The following MACROD2 variants were observed in gnomAD, a reference collection of about 807,000 sequenced individuals.
MACROD2 encodes ADP-ribose glycohydrolase MACROD2.
In MACROD2, 36 loss-of-function variants were observed where a neutral mutation model predicts 70.4. That is an observed-to-expected ratio of 0.51 (90% CI 0.39 to 0.68). The LOEUF is 0.68. Among genes scored for constraint, MACROD2 ranks in the 30% least tolerant of loss-of-function variants. MACROD2 has a pLI of 0.00. For synonymous variants in MACROD2, 172 were observed against 178.8 expected, an observed-to-expected ratio of 0.96 and a Z score of 0.30; for missense variants, 496 against 538.4, an observed-to-expected ratio of 0.92 and a Z score of 0.78.
chr20:15,241,004 T>C (rs67738339), intron 6 of MACROD2, among the ~76,000 whole-genome samples: 25,839 of 152,202 alleles, frequency 0.17, 2,647 homozygotes, highest in Non-Finnish European at 0.24. Context: ...GTATTTTGTA[T>C]GGCATCCAGA....
intron 6 of MACROD2, among the ~76,000 whole-genome samples, chr20:15,269,079 T>C (rs925928179): frequency 6.6e-6 from 1 of 152,258 alleles, no homozygotes; most frequent in Non-Finnish European, 1.5e-5. Context: ...TGACTGAACA[T>C]GTGGTTCAGA....
chr20:15,548,406 G>GT (rs1481658096), intron 8 of MACROD2, among the ~76,000 whole-genome samples: 1 of 151,768 alleles, frequency 6.6e-6, no homozygotes, highest in African/African-American at 2.4e-5. Flanking sequence ...GTTTTGTTTT[G>GT]TTTTTTGAGA....
rs1336616514 is a variant in MACROD2 at position 15,585,424 on chromosome 20, C to G, written c.645+85577C>G. Reference sequence around the variant, plus strand: ...TGCTGCCCAGGCTGGTCTCGAGCTCCTGACCTCGTGATCCACCCACCTCGG... The same window carrying G: ...TGCTGCCCAGGCTGGTCTCGAGCTCGTGACCTCGTGATCCACCCACCTCGG... On this transcript the variant is annotated intron_variant, in intron 8 of 17. Transcript: ENST00000684519. 3.9e-5 allele frequency among the ~76,000 whole-genome samples: 6 copies of G among 152,086 alleles called. 1 individual carries two copies. Among genetic ancestry groups the G allele is most frequent in the Admixed American group, 1.3e-4 (2 of 15,274 alleles).
intron 4 of MACROD2, among the ~76,000 whole-genome samples, chr20:14,588,956 GATTAA>G (rs1394170853): frequency 1.3e-5 from 2 of 151,986 alleles, no homozygotes; most frequent in Admixed American, 6.6e-5. Context: ...ATTTTTGAAT[GATTAA>G]ATTATTTTAG....
At chr20:14,332,238 T>C (rs944623565) in intron 3 of MACROD2, among the ~76,000 whole-genome samples, 5 of 152,128 alleles carry the variant, frequency 3.3e-5, no homozygotes, top group African/African-American at 1.2e-4. Context: ...TCATCAAGTC[T>C]GAAAGCTTCC....
intron 6 of MACROD2, among the ~76,000 whole-genome samples, chr20:15,239,574 T>C (rs773913144): frequency 2.6e-5 from 4 of 152,186 alleles, no homozygotes; most frequent in Non-Finnish European, 4.4e-5. Flanking sequence ...ATTAAACACC[T>C]AGATTTCAGC....
At chr20:14,727,394 G>T (rs1363746247) in intron 5 of MACROD2, among the ~76,000 whole-genome samples, 1 of 152,004 alleles carries the variant, frequency 6.6e-6, no homozygotes, top group Non-Finnish European at 1.5e-5. Context: ...AATTAGCCTG[G>T]CATGGTGGCA....
intron 4 of MACROD2, among the ~76,000 whole-genome samples, chr20:14,495,561 G>T (rs966856810): frequency 1.3e-5 from 2 of 152,146 alleles, no homozygotes; most frequent in East Asian, 1.9e-4. Flanking sequence ...GAGAATGGAG[G>T]TTGAGGAAAA....
intron 5 of MACROD2, among the ~76,000 whole-genome samples, chr20:15,137,595 A>T (rs1234014865): frequency 1.3e-5 from 2 of 148,980 alleles, no homozygotes; most frequent in Admixed American, 6.7e-5. Context: ...GCATTAGGAG[A>T]TATACCTAAT....
At chr20:14,289,166 G>A (rs1357502138) in intron 3 of MACROD2, among the ~76,000 whole-genome samples, 1 of 152,166 alleles carries the variant, frequency 6.6e-6, no homozygotes, top group East Asian at 1.9e-4. Context: ...ATTCAGTACA[G>A]ATCTTAGAGA....
rs566330624 is a variant in MACROD2, at chr20:14,546,766, T to C, written c.301+53258T>C. Among the ~76,000 whole-genome samples the C allele has an allele frequency of 5.3e-4, 80 of 152,320 alleles. 1 individual carries two copies. The highest frequency in any genetic ancestry group is 1.7e-3 in the South Asian group (8 of 4,828). On this transcript the variant is annotated intron_variant, in intron 4 of 17. Coordinates refer to ENST00000684519, the MANE Select transcript of MACROD2 (RefSeq NM_001351661.2). ...TTTCTTTTCCATAGGGTCATAATTA[T>C]ACTGCACATAACTTGGGTATCCTCT...
At chr20:14,093,304 C>A (rs568930640) in intron 3 of MACROD2, among the ~76,000 whole-genome samples, 2 of 151,322 alleles carry the variant, frequency 1.3e-5, no homozygotes, top group East Asian at 3.9e-4. Context: ...CTAGGGTGGT[C>A]TTGAACTCCT....
intron 5 of MACROD2, among the ~76,000 whole-genome samples, chr20:15,050,916 ATTC>A (rs1377816273): frequency 8.5e-5 from 13 of 152,168 alleles, no homozygotes; most frequent in South Asian, 2.1e-4. Context: ...ATTGGAAGTT[ATTC>A]TTTTATGGAA....
chr20:14,250,767 CAATAAT>C (rs1019160271), intron 3 of MACROD2, among the ~76,000 whole-genome samples: 2 of 151,774 alleles, frequency 1.3e-5, no homozygotes, highest in Non-Finnish European at 2.9e-5. Flanking sequence ...ACAGTAATGA[CAATAAT>C]AATAATAATG....
At chr20:15,106,055 T>G (rs1007423822) in intron 5 of MACROD2, among the ~76,000 whole-genome samples, 1 of 152,198 alleles carries the variant, frequency 6.6e-6, no homozygotes, top group Non-Finnish European at 1.5e-5. Flanking sequence ...GCATTAAAAT[T>G]ATAACACTGC....
chr20:14,296,834 T>G (rs2122471922), intron 3 of MACROD2, among the ~76,000 whole-genome samples: 1 of 152,050 alleles, frequency 6.6e-6, no homozygotes, highest in East Asian at 1.9e-4. Context: ...CATATTTCAT[T>G]TTATTGTCCT....
chr20:15,443,198 C>T (rs1228790586), intron 7 of MACROD2, among the ~76,000 whole-genome samples: 6 of 152,146 alleles, frequency 3.9e-5, no homozygotes, highest in Admixed American at 6.6e-5. Context: ...CATCCATAAA[C>T]ATACCAGGAG....
chr20:14,356,228 A>C (rs2083170771), intron 3 of MACROD2, among the ~76,000 whole-genome samples: 1 of 152,314 alleles, frequency 6.6e-6, no homozygotes. Context: ...GGAGTTTTTA[A>C]GAGAATAAAC....
intron 15 of MACROD2, among the ~76,000 whole-genome samples, chr20:16,002,128 A>T (rs929351167): frequency 2.6e-5 from 4 of 152,142 alleles, no homozygotes. Flanking sequence ...GATACTCAAT[A>T]AGTAGATCTC....
Sources: gnomAD v4.1 joint callset for allele counts (sites outside exome capture counted in the v4.1 genomes callset) on GRCh38, gnomAD v4.1.1 for gene constraint, MANE v1.5 for transcripts, NCBI Gene and HGNC (gene_info 2026-07-23, HGNC 2026-07-21) for gene names.